The following MYO18B variants were observed in gnomAD, a reference collection of about 807,000 sequenced individuals.
The protein encoded by MYO18B is unconventional myosin-XVIIIb.
A neutral mutation model predicts 273.0 loss-of-function variants in MYO18B; 204 were observed. The observed-to-expected ratio is 0.75, with a 90% CI of 0.67 to 0.84. MYO18B has a LOEUF of 0.84. Ranked by LOEUF, MYO18B falls within the 40% of genes least tolerant of loss-of-function variation. MYO18B has a pLI of 0.00. For missense variants in MYO18B, 3,212 were observed against 3,287.6 expected (o/e 0.98, Z 0.56); for synonymous variants, 1,330 against 1,305.7 (o/e 1.02, Z -0.40).
intron 25 of MYO18B, among the ~76,000 whole-genome samples, chr22:25,881,921 G>A (rs1320859772): frequency 6.6e-6 from 1 of 152,122 alleles, no homozygotes; most frequent in East Asian, 1.9e-4. Flanking sequence ...TCTACCTTTG[G>A]CCTTGGATGC....
intron 15 of MYO18B, among the ~76,000 whole-genome samples, chr22:25,832,338 C>T (rs2089737419): frequency 6.6e-6 from 1 of 152,066 alleles, no homozygotes; most frequent in African/African-American, 2.4e-5. Flanking sequence ...AGCTGAAAGG[C>T]AGAAGCAACT....
At position 25,828,758 on chromosome 22, in the gene MYO18B, T is replaced by A; in HGVS notation, c.2787-18T>A. 1 of 1,607,168 alleles carries A rather than the reference T, an allele frequency of 6.2e-7. No homozygotes were observed. The highest frequency in any genetic ancestry group is 8.5e-7 in the Non-Finnish European group (1 of 1,175,752). ...TCCATGCCATCTCAGACATTCCACC[T>A]CTCTCTTCTCTCCCTAGATCCTTTT... On this transcript the variant is annotated intron_variant, in intron 14 of 43. Coordinates refer to ENST00000335473, the MANE Select transcript of MYO18B (RefSeq NM_032608.7).
chr22:25,969,261 G>T (rs562205429), intron 39 of MYO18B, among the ~76,000 whole-genome samples: 129 of 152,310 alleles, frequency 8.5e-4, no homozygotes, highest in African/African-American at 3.0e-3. Flanking sequence ...TAGCAAGGAG[G>T]TATCCAGAGA....
chr22:25,859,740 T>G (rs939265254), intron 21 of MYO18B, among the ~76,000 whole-genome samples: 11 of 152,222 alleles, frequency 7.2e-5, no homozygotes, highest in Non-Finnish European at 1.5e-4. Flanking sequence ...GTACTAGTTC[T>G]TTATTTGTTC....
intron 1 of MYO18B, among the ~76,000 whole-genome samples, chr22:25,755,790 T>C (rs889392122): frequency 3.3e-5 from 5 of 152,136 alleles, no homozygotes; most frequent in Admixed American, 2.6e-4. Flanking sequence ...TGATGCCAGC[T>C]CCCCTTCTCC....
At chr22:25,947,531 CA>C (rs1569223327) in intron 35 of MYO18B, among the ~76,000 whole-genome samples, 180 bp from the exon 36 acceptor site, 68 of 146,966 alleles carry the variant, frequency 4.6e-4, no homozygotes, top group South Asian at 1.7e-3. Flanking sequence ...CACACACACA[CA>C]CACACACACA....
intron 34 of MYO18B, among the ~76,000 whole-genome samples, chr22:25,922,026 G>C (rs141461502): frequency 1.2e-3 from 176 of 152,288 alleles, no homozygotes; most frequent in African/African-American, 4.0e-3. Context: ...GCTGCTACCA[G>C]CTGGAGCCCT....
chr22:25,823,167 G>A (rs925851117), intron 12 of MYO18B, among the ~76,000 whole-genome samples: 9 of 152,088 alleles, frequency 5.9e-5, no homozygotes, highest in African/African-American at 9.7e-5. Context: ...TGCCTGGATG[G>A]GTAGGTAAAT....
At chr22:25,742,718 T>G (rs2085663873) in intron 1 of MYO18B, among the ~76,000 whole-genome samples, 1 of 152,254 alleles carries the variant, frequency 6.6e-6, no homozygotes, top group Non-Finnish European at 1.5e-5. Context: ...AGAGCCAGGC[T>G]TCCCCTTTCG....
At position 25,930,099 on chromosome 22, in the gene MYO18B, G is replaced by A. The variant is rs568770620; in HGVS notation, c.5517+8690G>A. 5.9e-5 allele frequency among the ~76,000 whole-genome samples: 9 copies of A among 152,214 alleles called. No homozygotes were observed. The South Asian group carries it at 1.9e-3, about 32-fold the overall frequency. ...TTGCCCAAGCAATGCCCTTGGCTGGGTTCTTGCTTCTTTCACTGATCCCTC... is the reference window on the plus strand; with the variant it reads ...TTGCCCAAGCAATGCCCTTGGCTGGATTCTTGCTTCTTTCACTGATCCCTC... On this transcript the variant is annotated intron_variant, in intron 34 of 43. Transcript: ENST00000335473.
intron 38 of MYO18B, 46 bp from the exon 39 acceptor site, chr22:25,955,133 C>A: frequency 6.6e-7 from 1 of 1,514,374 alleles, no homozygotes; most frequent in Non-Finnish European, 8.9e-7. Context: ...GTTTCATACC[C>A]CTGGCCTCCA....
At chr22:26,047,455 TA>T in the MYO18B span, among the ~76,000 whole-genome samples, 2 of 152,060 alleles carry the variant, frequency 1.3e-5, no homozygotes, top group African/African-American at 2.4e-5. Flanking sequence ...TATGTATGTT[TA>T]GGGGGGATGC....
intron 5 of MYO18B, among the ~76,000 whole-genome samples, chr22:25,770,653 TA>T (rs1027050991): frequency 6.6e-6 from 1 of 152,130 alleles, no homozygotes; most frequent in African/African-American, 2.4e-5. Context: ...TGACAGCTGG[TA>T]AAAGCCTAAG....
chr22:25,814,388 C>T (rs113499694), intron 12 of MYO18B, among the ~76,000 whole-genome samples: 8 of 141,824 alleles, frequency 5.6e-5, no homozygotes, highest in African/African-American at 7.7e-5. Context: ...GGCACGATCT[C>T]GGCCCTCTGC....
intron 1 of MYO18B, chr22:25,756,782 TGG>T (rs1256458158): frequency 6.6e-5 from 10 of 152,220 alleles, no homozygotes; most frequent in African/African-American, 2.4e-4. Flanking sequence ...TATTGTTGGC[TGG>T]ATGCAGTGGC....
At chr22:25,763,054 CAG>C in intron 2 of MYO18B, 175 bp from the exon 3 acceptor site, 1 of 785,688 alleles carries the variant, frequency 1.3e-6, no homozygotes, top group Non-Finnish European at 2.3e-6. Flanking sequence ...TGCGCTGTCT[CAG>C]GGACCCCCCT....
In MYO18B at chr22:25,986,659, T is replaced by G. The variant is rs577205472; in HGVS notation, c.6157-5704T>G. On this transcript the variant is annotated intron_variant, in intron 39 of 43. Coordinates refer to ENST00000335473, the MANE Select transcript of MYO18B (RefSeq NM_032608.7). ...ATATGAAAATACTTGATTATTTTCA[T>G]CAGGTTTCAGGATATACCCTGATCT... is the stretch of plus-strand genomic sequence containing the variant. 6.6e-5 allele frequency among the ~76,000 whole-genome samples: 10 copies of G among 152,366 alleles called. 1 individual carries two copies. In the East Asian group the frequency reaches 1.9e-3, roughly 29 times the overall value.
Position 25,955,192 on chromosome 22 carries a change from G to A in MYO18B, c.5984G>A (p.Arg1995Gln), listed in dbSNP as rs759463120. The A allele has an allele frequency of 2.0e-5, 32 of 1,608,574 alleles. No homozygotes were observed. Among genetic ancestry groups the A allele is most frequent in the Middle Eastern group, 1.7e-4 (1 of 6,050 alleles). Residue 1995 changes from arginine (R) to glutamine (Q), a missense_variant, in exon 39 of 44, where the codon CGG becomes CAG. Physicochemically the swap from Arg to Gln is conservative, Grantham distance 43 (BLOSUM62 1). Transcript: ENST00000335473. ...QIKRFEVLVI[R>Q]LRDSLIKMGE... ...TGCCCCTCCCAGGTCCTGGTGATCC[G>A]GCTTCGGGACAGCCTGATCAAGATG...
intron 39 of MYO18B, among the ~76,000 whole-genome samples, chr22:25,988,159 C>T (rs1376543421): frequency 6.6e-6 from 1 of 151,870 alleles, no homozygotes; most frequent in African/African-American, 2.4e-5. Flanking sequence ...TCTGCTTGTG[C>T]ATCCCTTCCG....
Sources: allele counts gnomAD v4.1 joint callset (sites outside exome capture counted in the v4.1 genomes callset), GRCh38; gene constraint gnomAD v4.1.1; transcripts MANE v1.5; gene names NCBI Gene and HGNC (gene_info 2026-07-23, HGNC 2026-07-21).